The following FILIP1 variants were observed in gnomAD, a reference collection of about 807,000 sequenced individuals.
The protein encoded by FILIP1 is filamin-A-interacting protein 1.
A neutral mutation model predicts 102.1 loss-of-function variants in FILIP1; 61 were observed. The ratio of observed to expected loss-of-function variants is 0.60; its 90% confidence interval spans 0.49 to 0.74. The LOEUF is 0.74. Ranked by LOEUF, FILIP1 falls within the 30% of genes least tolerant of loss-of-function variation. The pLI is 0.00. For missense variants in FILIP1, 1,314 were observed against 1,441.2 expected, an observed-to-expected ratio of 0.91 and a Z score of 1.43; for synonymous variants, 491 against 526.9, an observed-to-expected ratio of 0.93 and a Z score of 0.93.
At chr6:75,360,383 G>A (rs1167435557) in intron 3 of FILIP1, among the ~76,000 whole-genome samples, 2 of 152,072 alleles carry the variant, frequency 1.3e-5, no homozygotes, top group African/African-American at 4.8e-5. Flanking sequence ...AGATTCTTCA[G>A]AAAAAAGTAG....
At chr6:75,350,600 C>T (rs1033239924) in intron 4 of FILIP1, among the ~76,000 whole-genome samples, 9 of 152,068 alleles carry the variant, frequency 5.9e-5, no homozygotes, top group African/African-American at 1.9e-4. Flanking sequence ...TAAAAGTACT[C>T]TGTGAACTAT....
At chr6:75,340,195 T>G (rs942420614) in intron 4 of FILIP1, among the ~76,000 whole-genome samples, 3 of 152,160 alleles carry the variant, frequency 2.0e-5, no homozygotes, top group African/African-American at 7.2e-5. Context: ...TTTCCAGCTA[T>G]GTATTTCATA....
At position 75,368,080 on chromosome 6, in the gene FILIP1, G is replaced by C. The variant is rs368949931; in HGVS notation, c.277-5163C>G. ...AGAGAACAAATATGAGATTACAGCA[G>C]AGAAACAGACACAGCTGTCACACCA... On this transcript the variant is annotated intron_variant, in intron 2 of 5. Transcript: ENST00000237172. Among the ~76,000 whole-genome samples, 31 of 152,312 alleles carry C rather than the reference G, an allele frequency of 2.0e-4. No homozygotes were observed. The South Asian group carries it at 5.8e-3, about 28-fold the overall frequency.
intron 1 of FILIP1, among the ~76,000 whole-genome samples, chr6:75,491,698 T>C (rs1476862355): frequency 6.6e-6 from 1 of 152,158 alleles, no homozygotes; most frequent in Non-Finnish European, 1.5e-5. Context: ...TGCATTGTAG[T>C]GGAGAGCCTG....
chr6:75,422,819 T>C lies in FILIP1; in HGVS notation c.-6-7841A>G, dbSNP rs78902826. On this transcript the variant is annotated intron_variant, in intron 1 of 5. Transcript: ENST00000237172. Reference sequence around the variant, plus strand: ...TAAATAAATGGTTTGTTATACATCATTTTAATGTACATTTCTTGCTTTTTT... The same window carrying C: ...TAAATAAATGGTTTGTTATACATCACTTTAATGTACATTTCTTGCTTTTTT... 8.8e-3 allele frequency among the ~76,000 whole-genome samples: 1,343 copies of C among 152,292 alleles called. 50 individuals carry two copies. The East Asian group carries it at 0.12, about 14-fold the overall frequency.
intron 2 of FILIP1, among the ~76,000 whole-genome samples, chr6:75,391,473 C>G (rs372733105): frequency 1.3e-5 from 2 of 152,164 alleles, no homozygotes; most frequent in Non-Finnish European, 2.9e-5. Flanking sequence ...TGCTCCCTGA[C>G]TCACCAAGAA....
intron 4 of FILIP1, among the ~76,000 whole-genome samples, chr6:75,334,125 T>G (rs938471285): frequency 3.9e-5 from 6 of 152,190 alleles, no homozygotes; most frequent in African/African-American, 1.4e-4. Flanking sequence ...ATTAGTTGCT[T>G]GCTCATCAAG....
At chr6:75,429,632 A>G (rs1321386280) in intron 1 of FILIP1, among the ~76,000 whole-genome samples, 1 of 152,192 alleles carries the variant, frequency 6.6e-6, no homozygotes. Flanking sequence ...GAGGTAGCAG[A>G]GGCATCAACA....
chr6:75,320,576 CAA>C, intron 4 of FILIP1, among the ~76,000 whole-genome samples: 1 of 150,442 alleles, frequency 6.6e-6, no homozygotes, highest in South Asian at 2.1e-4. Flanking sequence ...GACCCTATCT[CAA>C]AAAAAAGAAA....
chr6:75,324,191 TAA>T (rs1157862409), intron 4 of FILIP1, among the ~76,000 whole-genome samples: 1 of 152,026 alleles, frequency 6.6e-6, no homozygotes, highest in Admixed American at 6.5e-5. Context: ...ATGAATTCAG[TAA>T]AGTCTCAGGA....
intron 1 of FILIP1, among the ~76,000 whole-genome samples, chr6:75,453,358 G>C (rs1339224007): frequency 3.3e-5 from 5 of 152,116 alleles, no homozygotes; most frequent in Non-Finnish European, 7.4e-5. Flanking sequence ...TTGAGATTTT[G>C]ATGCTTCAAC....
chr6:75,478,973 AT>A (rs1779566797), intron 1 of FILIP1, among the ~76,000 whole-genome samples: 1 of 152,162 alleles, frequency 6.6e-6, no homozygotes, highest in Non-Finnish European at 1.5e-5. Context: ...CTAGTCATAA[AT>A]GTGTCAATTT....
At chr6:75,437,385 G>T (rs564830971) in intron 1 of FILIP1, among the ~76,000 whole-genome samples, 2 of 152,296 alleles carry the variant, frequency 1.3e-5, no homozygotes, top group South Asian at 4.1e-4. Context: ...TCAATGTTTT[G>T]TTCTTGTTTT....
At chr6:75,375,174 G>A (rs566371883) in intron 2 of FILIP1, among the ~76,000 whole-genome samples, 185 of 152,356 alleles carry the variant, frequency 1.2e-3, no homozygotes, top group African/African-American at 4.2e-3. Context: ...CTGAGTCCTG[G>A]GGTGAGGGAT....
Position 75,308,726 on chromosome 6 carries a change from T to C in FILIP1, c.3607A>G (p.Ser1203Gly). The C allele has an allele frequency of 6.2e-7, 1 of 1,613,642 alleles. No individual in the cohort carries two copies. Among genetic ancestry groups the C allele is most frequent in the Non-Finnish European group, 8.5e-7 (1 of 1,180,010 alleles). ...CCCCCTCCGAGAGAGGTGGTGCTGC[T>C]GGCTGCAGATTTCTTCAGCTCTATT... is the stretch of plus-strand genomic sequence containing the variant. ...MKIELKKSAA[S>G]STTSLGGGKG The change falls in exon 6 of 6, where the codon AGC becomes GGC. Residue 1203 changes from serine to glycine, a missense_variant. Physicochemically the swap from Ser to Gly is moderately conservative, Grantham distance 56 (BLOSUM62 0). Coordinates refer to ENST00000237172, the MANE Select transcript of FILIP1 (RefSeq NM_015687.5).
In FILIP1 at chr6:75,308,540, T is replaced by A; in HGVS notation, c.*151A>T. On this transcript the variant is annotated 3_prime_UTR_variant, in exon 6 of 6. Coordinates refer to ENST00000237172, the MANE Select transcript of FILIP1 (RefSeq NM_015687.5). ...CCAGCATCAAAACAAATGCACAAAATGGGAAAGACAAATGGTTATTAGTTG... is the reference window on the plus strand; with the variant it reads ...CCAGCATCAAAACAAATGCACAAAAAGGGAAAGACAAATGGTTATTAGTTG... The A allele has an allele frequency of 6.8e-7, 1 of 1,460,624 alleles. No homozygotes were observed. Among genetic ancestry groups the A allele is most frequent in the Non-Finnish European group, 9.0e-7 (1 of 1,110,438 alleles). 90.5% of individuals were successfully genotyped at this position (1,460,624 alleles called of 1,614,324 possible). A position where few individuals can be genotyped will look rare whatever the true frequency, so the allele number is the denominator to read the frequency against.
At chr6:75,440,075 T>G (rs1004384883) in intron 1 of FILIP1, among the ~76,000 whole-genome samples, 1 of 152,190 alleles carries the variant, frequency 6.6e-6, no homozygotes, top group African/African-American at 2.4e-5. Flanking sequence ...GGTAAAAACA[T>G]GTAATAATTG....
intron 2 of FILIP1, among the ~76,000 whole-genome samples, chr6:75,378,285 G>A (rs186729729): frequency 1.9e-4 from 29 of 152,164 alleles, no homozygotes; most frequent in African/African-American, 6.7e-4. Flanking sequence ...CTCTGCCTGG[G>A]GCCATTTTAA....
chr6:75,363,167 G>T, intron 2 of FILIP1: 1 of 391,684 alleles, frequency 2.6e-6, no homozygotes, highest in Non-Finnish European at 4.6e-6. Flanking sequence ...CATAAAAATT[G>T]CTTTATCTAA....
Sources: gnomAD v4.1 joint callset for allele counts (sites outside exome capture counted in the v4.1 genomes callset) on GRCh38, gnomAD v4.1.1 for gene constraint, MANE v1.5 for transcripts, NCBI Gene and HGNC (gene_info 2026-07-23, HGNC 2026-07-21) for gene names.